The following ITSN2 variants were observed in gnomAD, a reference collection of about 807,000 sequenced individuals.
ITSN2 encodes the protein intersectin 2, also known as intersectin-2.
Under a neutral mutation model 243.7 loss-of-function variants are expected in ITSN2, and 156 were observed. The ratio of observed to expected loss-of-function variants is 0.64; its 90% CI spans 0.56 to 0.73. The LOEUF (loss-of-function observed/expected upper bound fraction) is 0.73, where lower values mean the gene tolerates loss of function less well. Among genes scored for constraint, ITSN2 ranks in the 30% least tolerant of loss-of-function variants. The pLI is 0.00. For missense variants in ITSN2, 1,801 were observed against 1,996.1 expected, an observed-to-expected ratio of 0.90 and a Z score of 1.86; for synonymous variants, 703 against 699.9, an observed-to-expected ratio of 1.00 and a Z score of -0.07.
intron 2 of ITSN2, among the ~76,000 whole-genome samples, chr2:24,327,118 TC>T (rs1685235705): frequency 6.6e-6 from 1 of 152,012 alleles, no homozygotes; most frequent in African/African-American, 2.4e-5. Context: ...AATCTAGATT[TC>T]TTTAGCGATT....
At chr2:24,337,337 T>TATATATAC (rs1558650647) in intron 1 of ITSN2, among the ~76,000 whole-genome samples, 1 of 111,742 alleles carries the variant, frequency 8.9e-6, no homozygotes, top group African/African-American at 3.5e-5. Flanking sequence ...TATATATATA[T>TATATATAC]ATATATATAT....
chr2:24,337,803 A>G (rs1686625988), intron 1 of ITSN2, among the ~76,000 whole-genome samples: 1 of 151,878 alleles, frequency 6.6e-6, no homozygotes, highest in Non-Finnish European at 1.5e-5. Context: ...CTGCAGGTAT[A>G]TTTTATAAAA....
intron 34 of ITSN2, among the ~76,000 whole-genome samples, chr2:24,210,536 C>T (rs974788307): frequency 6.2e-5 from 9 of 144,610 alleles, no homozygotes; most frequent in African/African-American, 2.0e-4. Flanking sequence ...CGCTCCAACC[C>T]GGGAGGCAGA....
At chr2:24,329,462 G>A (rs976751713) in intron 1 of ITSN2, among the ~76,000 whole-genome samples, 7 of 151,972 alleles carry the variant, frequency 4.6e-5, no homozygotes, top group African/African-American at 1.4e-4. Context: ...TAGTAGAGAC[G>A]AGGTTTTACC....
chr2:24,356,271 G>T (rs1248924708), intron 1 of ITSN2, among the ~76,000 whole-genome samples: 1 of 149,910 alleles, frequency 6.7e-6, no homozygotes, highest in African/African-American at 2.5e-5. Context: ...AGGTGAACCT[G>T]GTAGGCAGAG....
chr2:24,210,028 A>C lies in ITSN2; in HGVS notation c.4263T>G (p.Leu1421=), dbSNP rs751695073. 1.2e-6 allele frequency: 2 copies of C among 1,611,656 alleles called. No homozygotes were observed. The part of the protein sequence containing the change: ...HVQCEGLAEQ[L]IFNSLTNCLG... Reference sequence around the variant, plus strand: ...GGCAGTTGGTGAGAGAGTTGAAAATAAGTTGCTTAAAGAGAAAGAAAATTT... The same window carrying C: ...GGCAGTTGGTGAGAGAGTTGAAAATCAGTTGCTTAAAGAGAAAGAAAATTT... The change falls in exon 35 of 40, where the codon CTT becomes CTG. Residue 1421 remains leucine, a synonymous_variant. Transcript: ENST00000355123.
chr2:24,336,973 G>T (rs1475794054), intron 1 of ITSN2, among the ~76,000 whole-genome samples: 1 of 151,874 alleles, frequency 6.6e-6, no homozygotes, highest in Non-Finnish European at 1.5e-5. Context: ...AAGGAAACCA[G>T]CAGGAAGCAG....
intron 27 of ITSN2, among the ~76,000 whole-genome samples, chr2:24,247,695 G>A (rs916835739): frequency 6.6e-6 from 1 of 152,034 alleles, no homozygotes; most frequent in Non-Finnish European, 1.5e-5. Context: ...CAGAGTTCTC[G>A]GAATATTTCA....
intron 15 of ITSN2, chr2:24,293,482 T>C (rs1480274714): frequency 2.9e-6 from 1 of 343,314 alleles, no homozygotes; most frequent in Non-Finnish European, 5.3e-6. Flanking sequence ...ACCACAATCA[T>C]TACTATTTTA....
intron 7 of ITSN2, 111 bp from the exon 8 acceptor site, chr2:24,308,867 G>C (rs533042410): frequency 6.9e-6 from 5 of 723,356 alleles, no homozygotes; most frequent in Non-Finnish European, 1.1e-5. Context: ...CTGAACCCCC[G>C]GGCCACCGAC....
chr2:24,234,939 T>G (rs1178932838), intron 29 of ITSN2, among the ~76,000 whole-genome samples: 3 of 152,198 alleles, frequency 2.0e-5, no homozygotes, highest in African/African-American at 7.2e-5. Flanking sequence ...GTTTGCCATT[T>G]ACAAACTAAA....
At chr2:24,321,544 G>A (rs1397691917) in intron 2 of ITSN2, among the ~76,000 whole-genome samples, 1 of 152,148 alleles carries the variant, frequency 6.6e-6, no homozygotes, top group African/African-American at 2.4e-5. Flanking sequence ...TAAAGAAACA[G>A]ATGTACTGAA....
intron 1 of ITSN2, among the ~76,000 whole-genome samples, chr2:24,336,453 GT>G (rs1316180884): frequency 6.6e-6 from 1 of 152,102 alleles, no homozygotes; most frequent in Non-Finnish European, 1.5e-5. Flanking sequence ...AAACTTCTTA[GT>G]ATGAAATACG....
chr2:24,256,196 C>G (rs1273153671), intron 23 of ITSN2, among the ~76,000 whole-genome samples: 1 of 152,202 alleles, frequency 6.6e-6, no homozygotes, highest in African/African-American at 2.4e-5. Flanking sequence ...TGCGCTCCAG[C>G]CTGGCCGAAA....
At chr2:24,320,472 T>C (rs1205644539) in intron 2 of ITSN2, among the ~76,000 whole-genome samples, 6 of 132,066 alleles carry the variant, frequency 4.5e-5, no homozygotes, top group Non-Finnish European at 6.2e-5. Context: ...TGAGCCGAGA[T>C]TGCGCCACTG....
At chr2:24,246,940 A>G in intron 27 of ITSN2, 47 bp from the exon 28 acceptor site, 1 of 1,222,462 alleles carries the variant, frequency 8.2e-7, no homozygotes. Flanking sequence ...GAGATTAAAA[A>G]CAATCATTGA....
At chr2:24,285,176 T>C (rs1679334245) in intron 16 of ITSN2, among the ~76,000 whole-genome samples, 1 of 152,192 alleles carries the variant, frequency 6.6e-6, no homozygotes, top group Admixed American at 6.5e-5. Flanking sequence ...ATTACAGGCA[T>C]GAGCCACCAT....
chr2:24,264,770 T>TATTTACCTACTCTGTTCC (rs1676448757), intron 20 of ITSN2, among the ~76,000 whole-genome samples: 1 of 2,040 alleles, frequency 4.9e-4, no homozygotes, highest in African/African-American at 1.1e-3. Context: ...TCCATTGATC[T>TATTTACCTACTCTGTTCC]ATTTTCCTGT....
intron 34 of ITSN2, 55 bp from the exon 35 acceptor site, chr2:24,210,088 C>T: frequency 7.6e-7 from 1 of 1,312,914 alleles, no homozygotes; most frequent in Non-Finnish European, 1.1e-6. Context: ...CATCCAGTGC[C>T]CCTGAGAGGC....
Sources: gnomAD v4.1 joint callset for allele counts (sites outside exome capture counted in the v4.1 genomes callset) on GRCh38, gnomAD v4.1.1 for gene constraint, MANE v1.5 for transcripts, NCBI Gene and HGNC (gene_info 2026-07-23, HGNC 2026-07-21) for gene names.